The following SDK2 variants were observed in gnomAD, a reference collection of about 807,000 sequenced individuals.
SDK2 encodes the protein protein sidekick-2.
Under a neutral mutation model 253.9 loss-of-function variants are expected in SDK2, and 105 were observed. The observed-to-expected ratio is 0.41, with a 90% CI of 0.35 to 0.49. The LOEUF (loss-of-function observed/expected upper bound fraction) is 0.49, where lower values mean the gene tolerates loss of function less well. SDK2 is among the 20% of genes least tolerant of loss of function. The pLI is 0.06. For missense variants in SDK2, 2,608 were observed against 3,003.0 expected (o/e 0.87, Z 3.07); for synonymous variants, 1,249 against 1,234.9 (o/e 1.01, Z -0.24).
chr17:73,427,763 G>A (rs540327611), intron 12 of SDK2, among the ~76,000 whole-genome samples: 189 of 151,912 alleles, frequency 1.2e-3, no homozygotes, highest in Non-Finnish European at 2.4e-3. Context: ...AGATAATACA[G>A]GAGAACATCT....
Position 73,618,804 on chromosome 17 carries a change from A to G in SDK2, c.64+25221T>C, listed in dbSNP as rs1364422869. Among the ~76,000 whole-genome samples, 1 of 152,230 alleles carries G rather than the reference A, an allele frequency of 6.6e-6. No individual in the cohort carries two copies. The highest frequency in any genetic ancestry group is 2.4e-5 in the African/African-American group (1 of 41,456). The stretch of plus-strand genomic sequence containing the variant: ...GTGGAGGGTCTGTGTCTGGCACAGC[A>G]GAGCAAATGCCTACCAGAGCACAAA... On this transcript the variant is annotated intron_variant, in intron 1 of 44. Coordinates refer to ENST00000392650, the MANE Select transcript of SDK2 (RefSeq NM_001144952.2). The surrounding 1 kb of genome is among the most constrained non-coding windows in gnomAD (Gnocchi z 4.1).
At chr17:73,590,192 C>G (rs528634478) in intron 1 of SDK2, among the ~76,000 whole-genome samples, 2 of 152,150 alleles carry the variant, frequency 1.3e-5, no homozygotes, top group African/African-American at 4.8e-5. Flanking sequence ...GAGAATTGGA[C>G]GGCTGTCTGC....
chr17:73,532,550 C>T (rs745419860), intron 1 of SDK2, among the ~76,000 whole-genome samples: 6 of 152,320 alleles, frequency 3.9e-5, no homozygotes, highest in East Asian at 1.9e-4. Flanking sequence ...GGAGCCAGGG[C>T]GGATGCAACC....
chr17:73,440,352 C>T (rs889336343), intron 6 of SDK2, among the ~76,000 whole-genome samples: 8 of 152,172 alleles, frequency 5.3e-5, no homozygotes, highest in Non-Finnish European at 8.8e-5. Context: ...GTGATCCGCC[C>T]GCCTCAGCCT....
At chr17:73,346,103 G>T (rs568918102) in intron 44 of SDK2, among the ~76,000 whole-genome samples, 26 of 152,174 alleles carry the variant, frequency 1.7e-4, no homozygotes, top group African/African-American at 6.3e-4. Context: ...CCACTTGGGA[G>T]GCTGAGGCAG....
chr17:73,523,465 A>G (rs1379027805), intron 1 of SDK2, among the ~76,000 whole-genome samples: 1 of 151,914 alleles, frequency 6.6e-6, no homozygotes, highest in Non-Finnish European at 1.5e-5. Flanking sequence ...TGAGGTCATG[A>G]GAGGGGACTC....
rs372693985 is a variant in SDK2 at position 73,340,783 on chromosome 17, G to A, written c.6166-1843C>T. On this transcript the variant is annotated intron_variant, in intron 44 of 44. Coordinates refer to ENST00000392650, the MANE Select transcript of SDK2 (RefSeq NM_001144952.2). ...TTTGAGATGGAGTTTTGCTCTTGTC[G>A]TCCAGGCTTGAGTGCAGTGGCACGA... Among the ~76,000 whole-genome samples, 421 of 84,500 alleles carry A rather than the reference G, an allele frequency of 5.0e-3. 4 individuals carry two copies. The highest frequency in any genetic ancestry group is 0.017 in the African/African-American group (406 of 23,954). 55.4% of individuals were successfully genotyped at this position (84,500 alleles called of 152,430 possible).
At position 73,394,395 on chromosome 17, in the gene SDK2, G is replaced by T. The variant is rs1046045646; in HGVS notation, c.3593-71C>A. ...TGACTGTGCAAGGGAAGTGGACCAGGACAGGGGGCCGAGGGAGGGGCCAGC... is the reference window on the plus strand; with the variant it reads ...TGACTGTGCAAGGGAAGTGGACCAGTACAGGGGGCCGAGGGAGGGGCCAGC... On this transcript the variant is annotated intron_variant, in intron 25 of 44. Transcript: ENST00000392650. The T allele has an allele frequency of 6.0e-6, 6 of 1,001,366 alleles. No individual in the cohort carries two copies. The Admixed American group carries it at 1.9e-4, about 31-fold the overall frequency. The allele number at this position is 1,001,366 out of a possible 1,614,324, so 62.0% of individuals were successfully genotyped here.
At chr17:73,613,002 G>A (rs2045997000) in intron 1 of SDK2, among the ~76,000 whole-genome samples, 1 of 152,200 alleles carries the variant, frequency 6.6e-6, no homozygotes, top group Non-Finnish European at 1.5e-5. Flanking sequence ...GCGACATGCT[G>A]TCTGATCTGC....
At chr17:73,457,121 A>C (rs1444251067) in intron 3 of SDK2, among the ~76,000 whole-genome samples, 1 of 152,142 alleles carries the variant, frequency 6.6e-6, no homozygotes, top group East Asian at 1.9e-4. Context: ...CCACCTGTAG[A>C]ATTAAAAAAT....
rs763667922 is a variant in SDK2 at position 73,596,565 on chromosome 17, C to A, written c.64+47460G>T. ...CAGCGTCCCAGCCTCTGAAAGGGGG[C>A]GCTGGCTCATGATGTATCTGTTTCC... On this transcript the variant is annotated intron_variant, in intron 1 of 44. Coordinates refer to ENST00000392650, the MANE Select transcript of SDK2 (RefSeq NM_001144952.2). Among the ~76,000 whole-genome samples the A allele has an allele frequency of 2.6e-5, 4 of 152,296 alleles. No individual in the cohort carries two copies. The South Asian group carries it at 8.3e-4, about 32-fold the overall frequency.
chr17:73,387,114 C>T (rs1599510239), intron 30 of SDK2, among the ~76,000 whole-genome samples: 1 of 152,214 alleles, frequency 6.6e-6, no homozygotes, highest in Non-Finnish European at 1.5e-5. Flanking sequence ...GCATGTGCTA[C>T]CACACCTGGC....
chr17:73,399,340 C>A (rs2063001917), intron 21 of SDK2, 51 bp from the exon 22 acceptor site: 1 of 1,607,122 alleles, frequency 6.2e-7, no homozygotes, highest in Admixed American at 1.7e-5. Flanking sequence ...AATGGCCCCC[C>A]ATGTTGAACG....
chr17:73,394,527 G>A (rs988370983), intron 25 of SDK2, among the ~76,000 whole-genome samples: 3 of 152,190 alleles, frequency 2.0e-5, no homozygotes, highest in African/African-American at 4.8e-5. Flanking sequence ...TGCCGTTTCC[G>A]GTTTCAGATG....
rs116373780 is a variant in SDK2 at position 73,445,807 on chromosome 17, C to T, written c.613+1808G>A. Among the ~76,000 whole-genome samples, 313 of 152,222 alleles carry T rather than the reference C, an allele frequency of 2.1e-3. 1 individual carries two copies. The highest frequency in any genetic ancestry group is 7.4e-3 in the African/African-American group (307 of 41,552). ...GAAAGAGAAATTAGCTAAAAATCAGCGGATTCTGCTCTGAATTCAGGATAA... is the reference window on the plus strand; with the variant it reads ...GAAAGAGAAATTAGCTAAAAATCAGTGGATTCTGCTCTGAATTCAGGATAA... On this transcript the variant is annotated intron_variant, in intron 5 of 44. Transcript: ENST00000392650.
chr17:73,350,104 C>G, intron 43 of SDK2, 133 bp downstream of exon 43: 1 of 551,158 alleles, frequency 1.8e-6, no homozygotes, highest in Non-Finnish European at 2.6e-6. Context: ...GTTCCCAGCC[C>G]TGGGGCTTGA....
chr17:73,584,100 G>A (rs1344344492), intron 1 of SDK2, among the ~76,000 whole-genome samples: 1 of 152,226 alleles, frequency 6.6e-6, no homozygotes, highest in Admixed American at 6.5e-5. Flanking sequence ...GGGAGAGCAT[G>A]CCTCCAGCTC....
intron 1 of SDK2, among the ~76,000 whole-genome samples, chr17:73,551,976 T>C (rs772706160): frequency 3.3e-5 from 5 of 152,114 alleles, no homozygotes; most frequent in African/African-American, 9.7e-5. Flanking sequence ...ACCAGACTGA[T>C]AGATGGGTGA....
chr17:73,436,285 C>T (rs1400063093), intron 8 of SDK2, among the ~76,000 whole-genome samples: 2 of 113,994 alleles, frequency 1.8e-5, no homozygotes, highest in Non-Finnish European at 3.8e-5. Flanking sequence ...TCATAAGTTC[C>T]CCCAGCTGGG....
Sources: allele counts gnomAD v4.1 joint callset (sites outside exome capture counted in the v4.1 genomes callset), GRCh38; gene constraint gnomAD v4.1.1; non-coding constraint Gnocchi (gnomAD v3.1); transcripts MANE v1.5; gene names NCBI Gene and HGNC (gene_info 2026-07-23, HGNC 2026-07-21).